The following MBTD1 variants were observed in gnomAD, a reference collection of about 807,000 sequenced individuals.
The protein encoded by MBTD1 is MBT domain-containing protein 1.
MBTD1 carries 24 observed loss-of-function variants against 87.8 expected under a neutral mutation model. The observed-to-expected ratio is 0.27, with a 90% CI of 0.20 to 0.38. MBTD1 has a LOEUF of 0.38. Among genes scored for constraint, MBTD1 ranks in the 10% least tolerant of loss-of-function variants. The pLI is 1.00. For missense variants in MBTD1, 436 were observed against 760.2 expected (o/e 0.57, Z 5.02); for synonymous variants, 237 against 248.6 (o/e 0.95, Z 0.44).
chr17:51,198,647 A>G (rs71381339), intron 12 of MBTD1, among the ~76,000 whole-genome samples: 1 of 152,196 alleles, frequency 6.6e-6, no homozygotes, highest in African/African-American at 2.4e-5. Flanking sequence ...ATTAACAGAC[A>G]CAGAGACTGT....
chr17:51,181,740 G>C (rs1425443957), intron 16 of MBTD1, among the ~76,000 whole-genome samples: 1 of 152,232 alleles, frequency 6.6e-6, no homozygotes, highest in Non-Finnish European at 1.5e-5. Flanking sequence ...CTATGTAGGA[G>C]GACAAGGCGG....
intron 5 of MBTD1, among the ~76,000 whole-genome samples, chr17:51,218,069 G>T (rs1362497714): frequency 2.0e-5 from 3 of 152,080 alleles, no homozygotes; most frequent in Non-Finnish European, 4.4e-5. Context: ...ACCTCAGTGA[G>T]ATACCTACCC....
chr17:51,232,817 C>T (rs9303579), intron 2 of MBTD1, among the ~76,000 whole-genome samples: 150,333 of 152,092 alleles, frequency 0.99, 74,323 homozygotes, highest in Middle Eastern at 1. Context: ...GCAGGAGGAC[C>T]GCTTGAGGCC....
intron 2 of MBTD1, 111 bp downstream of exon 2, chr17:51,259,032 G>A (rs1273978350): frequency 5.0e-6 from 2 of 396,520 alleles, no homozygotes; most frequent in African/African-American, 2.1e-5. Flanking sequence ...AGACTGAAGG[G>A]TCTAATAAGG....
chr17:51,199,576 G>C (rs1312712159), intron 12 of MBTD1, among the ~76,000 whole-genome samples: 4 of 151,492 alleles, frequency 2.6e-5, no homozygotes, highest in Non-Finnish European at 2.9e-5. Flanking sequence ...CGAGTAGCTG[G>C]GACTACAGGC....
chr17:51,214,087 A>G (rs2052424668), intron 6 of MBTD1, among the ~76,000 whole-genome samples: 1 of 151,672 alleles, frequency 6.6e-6, no homozygotes, highest in Admixed American at 6.6e-5. Flanking sequence ...ACATATATAT[A>G]TACATACACA....
At chr17:51,232,900 A>T (rs1208612898) in intron 2 of MBTD1, among the ~76,000 whole-genome samples, 1 of 151,642 alleles carries the variant, frequency 6.6e-6, no homozygotes. Flanking sequence ...AAAATAAAAA[A>T]AATTAGGCAG....
chr17:51,182,050 AC>A (rs1428881817), intron 16 of MBTD1, among the ~76,000 whole-genome samples: 1 of 151,726 alleles, frequency 6.6e-6, no homozygotes, highest in Non-Finnish European at 1.5e-5. Context: ...TTCTTTCCCA[AC>A]TTCTTTAGCA....
At chr17:51,249,480 A>G (rs1358951403) in intron 2 of MBTD1, 1 of 152,100 alleles carries the variant, frequency 6.6e-6, no homozygotes, top group Admixed American at 6.5e-5. Flanking sequence ...GTTGTGAATC[A>G]TGGTTTTTAG....
chr17:51,259,440 G>A (rs1462508303), intron 1 of MBTD1, among the ~76,000 whole-genome samples: 2 of 151,960 alleles, frequency 1.3e-5, no homozygotes, highest in Non-Finnish European at 2.9e-5. Flanking sequence ...CAACGAAACT[G>A]TGCTCCCCCT....
intron 2 of MBTD1, among the ~76,000 whole-genome samples, chr17:51,245,572 A>AT (rs1261161753): frequency 6.6e-6 from 1 of 150,946 alleles, no homozygotes; most frequent in Admixed American, 6.6e-5. Flanking sequence ...CAGTTCTAAT[A>AT]TTTTTTCCAA....
chr17:51,209,250 G>C (rs1206666179), intron 6 of MBTD1: 3 of 398,280 alleles, frequency 7.5e-6, no homozygotes, highest in African/African-American at 4.1e-5. Flanking sequence ...GGATACCTCT[G>C]AAAGTCTGGA....
At chr17:51,206,370 A>T (rs1009131229) in intron 7 of MBTD1, among the ~76,000 whole-genome samples, 2 of 152,052 alleles carry the variant, frequency 1.3e-5, no homozygotes, top group Non-Finnish European at 2.9e-5. Flanking sequence ...TGCCTCCCTA[A>T]AAGCTGGGAT....
rs1223237196 is a variant in MBTD1, at chr17:51,180,700, TGAAA to T, written c.1769-10_1769-7del. 34 of 1,464,066 alleles carry T rather than the reference TGAAA, an allele frequency of 2.3e-5. No homozygotes were observed. Among genetic ancestry groups the T allele is most frequent in the Non-Finnish European group, 3.1e-5 (33 of 1,067,380 alleles). 90.7% of individuals were successfully genotyped at this position (1,464,066 alleles called of 1,614,324 possible). On this transcript the variant is annotated splice_region_variant and splice_polypyrimidine_tract_variant and intron_variant, in intron 16 of 16. Transcript: ENST00000586178. ...CTTCAGCTGCAGTGTTGTCACTGAATGAAAGAGAGAGAAACATATGGGCATTAAG... is the reference window on the plus strand; with the variant it reads ...CTTCAGCTGCAGTGTTGTCACTGAATGAGAGAGAAACATATGGGCATTAAG...
intron 12 of MBTD1, among the ~76,000 whole-genome samples, chr17:51,196,161 C>T (rs1598302528): frequency 1.3e-5 from 2 of 151,744 alleles, no homozygotes; most frequent in South Asian, 2.1e-4. Context: ...ATCCTTCTGC[C>T]GTGGCCTCCC....
rs60957699 is a variant in MBTD1 at position 51,179,484 on chromosome 17, T to TATATATATATATATATATATATTTATATA, written c.*1091_*1092insTATATAAATATATATATATATATATATAT. 2 of 35,294 alleles carry TATATATATATATATATATATATTTATATA rather than the reference T, an allele frequency of 5.7e-5. No individual in the cohort carries two copies. Among genetic ancestry groups the TATATATATATATATATATATATTTATATA allele is most frequent in the Non-Finnish European group, 1.2e-4 (2 of 17,026 alleles). 2.2% of individuals were successfully genotyped at this position (35,294 alleles called of 1,614,324 possible). Reference sequence around the variant, plus strand: ...ATCCTGAATACAATTAAAGACAATTTTATATATATATATATATATATATAT... The same window carrying TATATATATATATATATATATATTTATATA: ...ATCCTGAATACAATTAAAGACAATTTATATATATATATATATATATATTTATATATATATATATATATATATATATATAT... On this transcript the variant is annotated 3_prime_UTR_variant, in exon 17 of 17. Coordinates refer to ENST00000586178, the MANE Select transcript of MBTD1 (RefSeq NM_017643.3).
At chr17:51,227,242 C>CAAA (rs71149355) in intron 2 of MBTD1, among the ~76,000 whole-genome samples, 1,756 of 115,490 alleles carry the variant, frequency 0.015, 40 homozygotes, top group Non-Finnish European at 0.022. Context: ...ACTCTGTCTC[C>CAAA]AAAAAAAAAA....
intron 15 of MBTD1, 106 bp downstream of exon 15, chr17:51,192,674 CAT>C: frequency 6.5e-7 from 1 of 1,536,912 alleles, no homozygotes; most frequent in Non-Finnish European, 8.7e-7. Context: ...ACCAATCAGA[CAT>C]AGGTATATTC....
intron 8 of MBTD1, 54 bp from the exon 9 acceptor site, chr17:51,203,282 A>C (rs753581106): frequency 1.1e-6 from 1 of 888,544 alleles, no homozygotes; most frequent in Non-Finnish European, 1.7e-6. Flanking sequence ...CTGCTTCATA[A>C]ATTATTTGTT....
Sources: allele counts gnomAD v4.1 joint callset (sites outside exome capture counted in the v4.1 genomes callset), GRCh38; gene constraint gnomAD v4.1.1; transcripts MANE v1.5; gene names NCBI Gene and HGNC (gene_info 2026-07-23, HGNC 2026-07-21).